LRP1B: variants seen among roughly 807,000 people sequenced by gnomAD.
LRP1B encodes LDL receptor related protein 1B.
In LRP1B, 217 loss-of-function variants were observed where a neutral mutation model predicts 556.6. The observed-to-expected ratio is 0.39, with a 90% CI of 0.35 to 0.44. LRP1B has a LOEUF of 0.44. Ranked by LOEUF, LRP1B falls within the 20% of genes least tolerant of loss-of-function variation. The probability of loss-of-function intolerance (pLI) is 1.00; values close to 1 mark genes in which losing one functional copy is unlikely to be tolerated. For synonymous variants in LRP1B, 2,047 were observed against 1,865.8 expected, an observed-to-expected ratio of 1.10 and a Z score of -2.50; for missense variants, 5,053 against 5,620.8, an observed-to-expected ratio of 0.90 and a Z score of 3.23.
chr2:140,849,222 A>AAAAAAC, intron 29 of LRP1B, among the ~76,000 whole-genome samples: 1 of 142,714 alleles, frequency 7.0e-6, no homozygotes, highest in Non-Finnish European at 1.5e-5. Flanking sequence ...AAAAAAAAAA[A>AAAAAAC]AATAGCCAGG....
chr2:142,128,561 T>C (rs1489041472), intron 1 of LRP1B, among the ~76,000 whole-genome samples: 1 of 152,212 alleles, frequency 6.6e-6, no homozygotes, highest in African/African-American at 2.4e-5. Context: ...AAATTCCTTT[T>C]TCCAAATGGG....
chr2:140,634,098 A>T (rs114454656), intron 41 of LRP1B, among the ~76,000 whole-genome samples: 1,811 of 152,284 alleles, frequency 0.012, 32 homozygotes, highest in African/African-American at 0.039. Flanking sequence ...AGAATTACAC[A>T]CCAAAACCGA....
chr2:140,485,630 A>ATG, intron 58 of LRP1B, 106 bp from the exon 59 acceptor site: 2 of 756,100 alleles, frequency 2.6e-6, no homozygotes, highest in Non-Finnish European at 4.2e-6. Context: ...TTAAATGTAA[A>ATG]GAATGGAACT....
intron 41 of LRP1B, among the ~76,000 whole-genome samples, chr2:140,648,703 T>C (rs1684571221): frequency 6.6e-6 from 1 of 151,992 alleles, no homozygotes; most frequent in Non-Finnish European, 1.5e-5. Context: ...GCTTGAAGAA[T>C]GGAAAGAAAG....
intron 3 of LRP1B, among the ~76,000 whole-genome samples, chr2:141,324,548 AGAGGATGG>A (rs1687367822): frequency 6.6e-6 from 1 of 152,112 alleles, no homozygotes; most frequent in South Asian, 2.1e-4. Context: ...GATCAGATTA[AGAGGATGG>A]GAGAGGAAGA....
intron 15 of LRP1B, among the ~76,000 whole-genome samples, chr2:141,003,490 T>C (rs1272793507): frequency 6.6e-6 from 1 of 152,076 alleles, no homozygotes; most frequent in African/African-American, 2.4e-5. Context: ...GGGAGGTAAC[T>C]GAATTATGGG....
At chr2:141,513,965 T>C (rs1309648741) in intron 2 of LRP1B, among the ~76,000 whole-genome samples, 2 of 152,172 alleles carry the variant, frequency 1.3e-5, no homozygotes, top group Non-Finnish European at 2.9e-5. Flanking sequence ...GCATCCATTT[T>C]AAAGTTAAGT....
chr2:140,888,513 A>T (rs1693705514), intron 23 of LRP1B, among the ~76,000 whole-genome samples: 1 of 151,380 alleles, frequency 6.6e-6, no homozygotes, highest in East Asian at 1.9e-4. Context: ...TTATACATAT[A>T]AATATACATA....
At chr2:140,868,892 G>GAGACAGAC (rs1412330122) in intron 25 of LRP1B, among the ~76,000 whole-genome samples, 1 of 151,992 alleles carries the variant, frequency 6.6e-6, no homozygotes, top group Non-Finnish European at 1.5e-5. Flanking sequence ...ACAGCGACAG[G>GAGACAGAC]AGACAGACAA....
chr2:141,309,933 C>T (rs1295299518), intron 3 of LRP1B, among the ~76,000 whole-genome samples: 1 of 152,226 alleles, frequency 6.6e-6, no homozygotes, highest in Non-Finnish European at 1.5e-5. Context: ...AATCTGCTGT[C>T]ACTTGAATCT....
chr2:141,811,611 A>G (rs935111241), intron 1 of LRP1B, among the ~76,000 whole-genome samples: 4 of 152,126 alleles, frequency 2.6e-5, no homozygotes, highest in African/African-American at 9.7e-5. Context: ...GTAGGGTATA[A>G]GAGTAGTCTT....
intron 43 of LRP1B, among the ~76,000 whole-genome samples, chr2:140,588,229 C>CA (rs972492682): frequency 3.3e-5 from 5 of 151,604 alleles, no homozygotes; most frequent in African/African-American, 7.3e-5. Context: ...ATGGTTGAAG[C>CA]AAAAAAAATC....
intron 3 of LRP1B, among the ~76,000 whole-genome samples, chr2:141,300,629 G>A (rs1686355319): frequency 6.6e-6 from 1 of 152,130 alleles, no homozygotes; most frequent in Non-Finnish European, 1.5e-5. Context: ...CATCCCTAAA[G>A]TAAGTTCTTA....
At chr2:140,601,089 A>T (rs968233945) in intron 42 of LRP1B, among the ~76,000 whole-genome samples, 3 of 91,960 alleles carry the variant, frequency 3.3e-5, no homozygotes, top group African/African-American at 5.1e-5. Flanking sequence ...AAAATGCAAA[A>T]AAAAAAAAAA....
At chr2:141,175,972 C>T (rs1416603374) in intron 7 of LRP1B, among the ~76,000 whole-genome samples, 1 of 152,068 alleles carries the variant, frequency 6.6e-6, no homozygotes, top group Non-Finnish European at 1.5e-5. Context: ...TAAGTGACTG[C>T]CCTGTGGGGT....
In LRP1B at chr2:141,015,764, T is replaced by C. The variant is rs1002636441; in HGVS notation, c.2122A>G (p.Thr708Ala). The C allele has an allele frequency of 1.2e-6, 2 of 1,613,576 alleles. No homozygotes were observed. Among genetic ancestry groups the C allele is most frequent in the Non-Finnish European group, 8.5e-7 (1 of 1,179,754 alleles). ...NGLTLDFHTN[T>A]LYWCDAYYDH... is the part of the protein sequence containing the mutation. ...TAATAGGCATCACACCAGTATAATGTGTTGGTGTGAAAGTCCAGAGTTAAA... is the reference window on the plus strand; with the variant it reads ...TAATAGGCATCACACCAGTATAATGCGTTGGTGTGAAAGTCCAGAGTTAAA... Residue 708 changes from threonine (T) to alanine (A), a missense_variant, in exon 13 of 91, where the codon ACA (threonine) becomes GCA (alanine). Transcript: ENST00000389484.
chr2:140,892,554 G>C lies in LRP1B; in HGVS notation c.3767-6219C>G, dbSNP rs10189583. Among the ~76,000 whole-genome samples, 1,209 of 152,106 alleles carry C rather than the reference G, an allele frequency of 7.9e-3. 11 individuals are homozygous for C. The highest frequency in any genetic ancestry group is 0.028 in the African/African-American group (1,162 of 41,504). On this transcript the variant is annotated intron_variant, in intron 23 of 90. Transcript: ENST00000389484. ...GTGGATAATTTTGAGAGCTGCGAAGGATGCGGGAACTTAGTGAACTGTTGG... is the reference window on the plus strand; with the variant it reads ...GTGGATAATTTTGAGAGCTGCGAAGCATGCGGGAACTTAGTGAACTGTTGG...
chr2:140,885,264 T>C (rs1214933593), intron 24 of LRP1B, among the ~76,000 whole-genome samples: 1 of 152,086 alleles, frequency 6.6e-6, no homozygotes, highest in East Asian at 1.9e-4. Flanking sequence ...TGATTTACAA[T>C]GGAATTAACA....
intron 2 of LRP1B, among the ~76,000 whole-genome samples, chr2:141,764,078 T>C (rs745888090): frequency 7.2e-5 from 11 of 152,178 alleles, no homozygotes; most frequent in Non-Finnish European, 1.6e-4. Context: ...AAAATTCGGA[T>C]GTTGAAGCCC....
Sources: gnomAD v4.1 joint callset for allele counts (sites outside exome capture counted in the v4.1 genomes callset) on GRCh38, gnomAD v4.1.1 for gene constraint, MANE v1.5 for transcripts, NCBI Gene and HGNC (gene_info 2026-07-23, HGNC 2026-07-21) for gene names.